The following FILIP1L variants were observed in gnomAD, a reference collection of about 807,000 sequenced individuals.
FILIP1L encodes filamin A-interacting protein 1-like.
A neutral mutation model predicts 96.6 loss-of-function variants in FILIP1L; 55 were observed. That is an observed-to-expected ratio of 0.57 (90% confidence interval 0.46 to 0.71). The LOEUF (loss-of-function observed/expected upper bound fraction) is 0.71. FILIP1L is among the 30% of genes least tolerant of loss of function. FILIP1L has a pLI of 0.00. For synonymous variants in FILIP1L, 467 were observed against 473.9 expected (o/e 0.99, Z 0.19); for missense variants, 1,304 against 1,321.2 (o/e 0.99, Z 0.20).
At chr3:99,956,726 A>G (rs1156589722) in intron 1 of FILIP1L, among the ~76,000 whole-genome samples, 2 of 152,132 alleles carry the variant, frequency 1.3e-5, no homozygotes, top group African/African-American at 4.8e-5. Context: ...CTGTAGCTGT[A>G]GTTTCTTTCT....
rs750409697 is a variant in FILIP1L, at chr3:99,849,191, C to T, written c.2485G>A (p.Glu829Lys). The change falls in exon 5 of 6, where the codon GAG becomes AAG. Residue 829 changes from glutamate (E) to lysine (K), a missense_variant. By Grantham distance (56) the Glu-to-Lys change is moderately conservative. Transcript: ENST00000477258. ...ERAVINGQLY[E>K]ESENQDEDPN... ...TCCTCGTCTTGATTCTCACTCTCCT[C>T]ATATAACTGACCATTGATGACTGCA... 3.7e-6 allele frequency: 6 copies of T among 1,614,014 alleles called. No individual in the cohort carries two copies. The Admixed American group carries it at 1.0e-4, about 27-fold the overall frequency.
chr3:99,946,555 A>G (rs1576592526), intron 1 of FILIP1L, among the ~76,000 whole-genome samples: 1 of 152,326 alleles, frequency 6.6e-6, no homozygotes, highest in East Asian at 1.9e-4. Flanking sequence ...GGCTGAAGGC[A>G]TTTGGTCTTA....
At chr3:99,965,030 T>A in intron 1 of FILIP1L, among the ~76,000 whole-genome samples, 1 of 152,330 alleles carries the variant, frequency 6.6e-6, no homozygotes, top group South Asian at 2.1e-4. Flanking sequence ...GCTGTATCTG[T>A]AAATAAATTA....
intron 4 of FILIP1L, among the ~76,000 whole-genome samples, chr3:99,875,506 T>C (rs759760757): frequency 6.6e-6 from 1 of 152,228 alleles, no homozygotes. Context: ...AATTGACATA[T>C]GCTTTTACGA....
chr3:99,901,307 T>C, intron 4 of FILIP1L, among the ~76,000 whole-genome samples: 1 of 152,212 alleles, frequency 6.6e-6, no homozygotes, highest in East Asian at 1.9e-4. Flanking sequence ...CTAAACTGTT[T>C]AGGAAAATTG....
At chr3:100,003,379 G>C (rs527929258) in intron 1 of FILIP1L, among the ~76,000 whole-genome samples, 2 of 152,250 alleles carry the variant, frequency 1.3e-5, no homozygotes, top group South Asian at 4.2e-4. Context: ...TCCCTTACGT[G>C]GTTGTTTTGT....
intron 1 of FILIP1L, among the ~76,000 whole-genome samples, chr3:100,007,624 A>G (rs1366619426): frequency 6.6e-6 from 1 of 152,174 alleles, no homozygotes; most frequent in East Asian, 1.9e-4. Context: ...CAGAAAGTGT[A>G]CAGATTTTGC....
At chr3:99,874,165 G>A (rs971820277) in intron 4 of FILIP1L, 2 of 152,032 alleles carry the variant, frequency 1.3e-5, no homozygotes, top group African/African-American at 2.4e-5. Context: ...TTAAAAAATC[G>A]ATGCTTGCCT....
intron 1 of FILIP1L, among the ~76,000 whole-genome samples, chr3:100,082,507 G>T (rs1402935090): frequency 1.3e-5 from 2 of 152,130 alleles, no homozygotes; most frequent in African/African-American, 2.4e-5. Context: ...TCGTTTCCAG[G>T]AATCTCTTGG....
chr3:99,950,999 C>T (rs565698610), intron 1 of FILIP1L, among the ~76,000 whole-genome samples: 2 of 152,332 alleles, frequency 1.3e-5, no homozygotes, highest in Admixed American at 6.5e-5. Context: ...GATCCAAGCC[C>T]TGCTTGGTTT....
rs553705584 is a variant in FILIP1L, at chr3:99,849,845, A to G, written c.1831T>C (p.Ser611Pro). Residue 611 changes from serine to proline, a missense_variant, in exon 5 of 6, where the codon TCT becomes CCT. Physicochemically the swap from Ser to Pro is moderately conservative, Grantham distance 74. Coordinates refer to ENST00000477258, the MANE Select transcript of FILIP1L (RefSeq NM_001387850.1). ...DFLKNKLNQD[S>P]GKSTTALHQE... Reference sequence around the variant, plus strand: ...TGTAATGCTGTTGTGGATTTCCCAGAGTCTTGATTTAATTTGTTTTTTAGG... The same window carrying G: ...TGTAATGCTGTTGTGGATTTCCCAGGGTCTTGATTTAATTTGTTTTTTAGG... 223 of 1,610,402 alleles carry G rather than the reference A, an allele frequency of 1.4e-4. 3 individuals are homozygous for G. In the South Asian group the frequency reaches 2.4e-3, roughly 17 times the overall value.
chr3:99,905,627 A>G (rs1036509832), intron 4 of FILIP1L, among the ~76,000 whole-genome samples: 5 of 152,346 alleles, frequency 3.3e-5, no homozygotes, highest in Non-Finnish European at 7.4e-5. Flanking sequence ...TGTACTATAT[A>G]GTCTCTATCC....
At chr3:99,837,212 C>T (rs1298725051) in intron 5 of FILIP1L, among the ~76,000 whole-genome samples, 1 of 152,146 alleles carries the variant, frequency 6.6e-6, no homozygotes, top group Non-Finnish European at 1.5e-5. Context: ...ATGATCCGTA[C>T]TCACTGATTC....
intron 4 of FILIP1L, among the ~76,000 whole-genome samples, chr3:99,859,274 C>T (rs1051990978): frequency 6.6e-6 from 1 of 152,178 alleles, no homozygotes; most frequent in African/African-American, 2.4e-5. Context: ...TTTGTCAGTT[C>T]TTTTTTCCCC....
intron 1 of FILIP1L, among the ~76,000 whole-genome samples, chr3:100,056,868 A>T (rs1183794169): frequency 6.6e-6 from 1 of 151,948 alleles, no homozygotes; most frequent in Non-Finnish European, 1.5e-5. Flanking sequence ...GCCGGGTGTG[A>T]TGGCAGGCGC....
chr3:100,050,228 A>C (rs1406304151), intron 1 of FILIP1L, among the ~76,000 whole-genome samples: 1 of 152,190 alleles, frequency 6.6e-6, no homozygotes, highest in Admixed American at 6.5e-5. Flanking sequence ...CTTCTTAAAA[A>C]TATGACACTG....
chr3:99,967,588 A>G (rs1708692234), intron 1 of FILIP1L, among the ~76,000 whole-genome samples: 1 of 152,190 alleles, frequency 6.6e-6, no homozygotes, highest in Admixed American at 6.5e-5. Context: ...GAAATCCCAC[A>G]TATGCAATTG....
At chr3:99,988,980 AC>A (rs1323836892) in intron 1 of FILIP1L, among the ~76,000 whole-genome samples, 2 of 152,184 alleles carry the variant, frequency 1.3e-5, no homozygotes, top group Non-Finnish European at 2.9e-5. Context: ...CTGTGTCTAT[AC>A]CTTTAGAGCA....
rs1309185731 is a variant in FILIP1L, at chr3:100,042,643, A to G, written c.-11+71410T>C. On this transcript the variant is annotated intron_variant, in intron 1 of 5. Transcript: ENST00000477258. Reference sequence around the variant, plus strand: ...TTCCAACCATGCCAGATGATACTGTATTTACTGAAGAATTTTATTGCCTTT... The same window carrying G: ...TTCCAACCATGCCAGATGATACTGTGTTTACTGAAGAATTTTATTGCCTTT... Among the ~76,000 whole-genome samples, 4 of 152,234 alleles carry G rather than the reference A, an allele frequency of 2.6e-5. 1 individual carries two copies. Among genetic ancestry groups the G allele is most frequent in the Non-Finnish European group, 1.5e-5 (1 of 68,038 alleles).
Sources: allele counts gnomAD v4.1 joint callset (sites outside exome capture counted in the v4.1 genomes callset), GRCh38; gene constraint gnomAD v4.1.1; transcripts MANE v1.5; gene names NCBI Gene and HGNC (gene_info 2026-07-23, HGNC 2026-07-21).